The following CNTNAP5 variants were observed in gnomAD, a reference collection of about 807,000 sequenced individuals.
CNTNAP5 encodes contactin-associated protein-like 5.
A neutral mutation model predicts 150.2 loss-of-function variants in CNTNAP5; 72 were observed. That is an observed-to-expected ratio of 0.48 (90% CI 0.40 to 0.58). The LOEUF is 0.58. Among genes scored for constraint, CNTNAP5 ranks in the 20% least tolerant of loss-of-function variants. CNTNAP5 has a pLI of 0.00. For synonymous variants in CNTNAP5, 672 were observed against 619.8 expected, an observed-to-expected ratio of 1.08 and a Z score of -1.25; for missense variants, 1,636 against 1,626.2, an observed-to-expected ratio of 1.01 and a Z score of -0.10.
At chr2:124,113,259 A>G (rs1358678952) in intron 1 of CNTNAP5, among the ~76,000 whole-genome samples, 7 of 152,154 alleles carry the variant, frequency 4.6e-5, no homozygotes, top group East Asian at 1.9e-4. Flanking sequence ...AAATTATTTC[A>G]TAATCTTACA....
intron 14 of CNTNAP5, among the ~76,000 whole-genome samples, chr2:124,757,593 C>A (rs868764193): frequency 4.6e-5 from 7 of 152,188 alleles, no homozygotes; most frequent in African/African-American, 1.7e-4. Context: ...AAATGATAAA[C>A]CTTGAGAAGT....
intron 13 of CNTNAP5, among the ~76,000 whole-genome samples, chr2:124,652,763 C>T (rs953651255): frequency 4.6e-5 from 7 of 152,164 alleles, no homozygotes; most frequent in South Asian, 2.1e-4. Context: ...GAAAGTCCCC[C>T]GCCACTGGAT....
intron 7 of CNTNAP5, among the ~76,000 whole-genome samples, chr2:124,500,849 A>G (rs1046562474): frequency 2.0e-5 from 3 of 152,164 alleles, no homozygotes; most frequent in Non-Finnish European, 4.4e-5. Flanking sequence ...TAGGAGACCT[A>G]CACTTGGCGG....
chr2:124,771,042 G>A (rs1681180837), intron 16 of CNTNAP5, among the ~76,000 whole-genome samples: 1 of 152,108 alleles, frequency 6.6e-6, no homozygotes. Flanking sequence ...TCGGTAGAAA[G>A]CAAAAGAATT....
At chr2:124,651,584 T>G (rs1441221080) in intron 13 of CNTNAP5, among the ~76,000 whole-genome samples, 2 of 152,210 alleles carry the variant, frequency 1.3e-5, no homozygotes, top group Non-Finnish European at 2.9e-5. Context: ...CAGATCTAAC[T>G]CTTGCAACCA....
At chr2:124,522,208 C>T (rs796731110) in intron 8 of CNTNAP5, among the ~76,000 whole-genome samples, 12 of 152,318 alleles carry the variant, frequency 7.9e-5, no homozygotes, top group African/African-American at 2.9e-4. Flanking sequence ...GACGGTCTGG[C>T]ACACCTCTGT....
chr2:124,413,906 A>AG, intron 3 of CNTNAP5, among the ~76,000 whole-genome samples: 1 of 151,508 alleles, frequency 6.6e-6, no homozygotes, highest in South Asian at 2.1e-4. Context: ...AATAAATTAA[A>AG]AAAAAAGAAC....
intron 19 of CNTNAP5, among the ~76,000 whole-genome samples, chr2:124,835,201 A>G (rs1682803903): frequency 6.6e-6 from 1 of 152,076 alleles, no homozygotes; most frequent in Admixed American, 6.6e-5. Flanking sequence ...TTGGCAAACA[A>G]ATTGTATTAG....
rs141877041 is a variant in CNTNAP5, at chr2:124,130,362, C to T, written c.83-91343C>T. Reference sequence around the variant, plus strand: ...CCTGTTGCCAAATCTCTGGGCCCACCGACTCAGGCTCAATTCCCACTGTGC... The same window carrying T: ...CCTGTTGCCAAATCTCTGGGCCCACTGACTCAGGCTCAATTCCCACTGTGC... On this transcript the variant is annotated intron_variant, in intron 1 of 23. Coordinates refer to ENST00000682447, the MANE Select transcript of CNTNAP5 (RefSeq NM_001367498.1). Among the ~76,000 whole-genome samples, 1,165 of 151,996 alleles carry T rather than the reference C, an allele frequency of 7.7e-3. 9 individuals are homozygous for T. Among genetic ancestry groups the T allele is most frequent in the African/African-American group, 0.026 (1,078 of 41,480 alleles).
chr2:124,857,902 G>A (rs1677416594), intron 19 of CNTNAP5, among the ~76,000 whole-genome samples: 1 of 152,024 alleles, frequency 6.6e-6, no homozygotes. Flanking sequence ...CAGTGTATAA[G>A]AACAAGTCAA....
intron 10 of CNTNAP5, among the ~76,000 whole-genome samples, chr2:124,549,203 C>G (rs1368477481): frequency 1.3e-5 from 2 of 152,190 alleles, no homozygotes; most frequent in Non-Finnish European, 2.9e-5. Flanking sequence ...TTCACTTCAT[C>G]CATGGGTTCT....
At chr2:124,048,267 C>T (rs1260691733) in intron 1 of CNTNAP5, among the ~76,000 whole-genome samples, 1 of 152,182 alleles carries the variant, frequency 6.6e-6, no homozygotes, top group Non-Finnish European at 1.5e-5. Flanking sequence ...ACCAGCTCTA[C>T]TCTAGGAATG....
chr2:124,242,251 T>C lies in CNTNAP5; in HGVS notation c.239T>C (p.Met80Thr). 6.2e-7 allele frequency: 1 copy of C among 1,604,886 alleles called. No individual in the cohort carries two copies. The highest frequency in any genetic ancestry group is 2.3e-5 in the East Asian group (1 of 44,384). ...ADSNAQQWLQ[M>T]DLGNRVEITA... ...TCCAATGCTCAACAGTGGCTCCAGA[T>C]GGACCTGGGAAACAGAGTAGAGATT... Residue 80 changes from methionine (M) to threonine (T), a missense_variant, in exon 3 of 24, where the codon ATG (methionine) becomes ACG (threonine). Met to Thr is a moderately conservative substitution (Grantham distance 81). Transcript: ENST00000682447.
At chr2:124,747,617 T>C (rs796203584) in intron 14 of CNTNAP5, among the ~76,000 whole-genome samples, 135 of 44,950 alleles carry the variant, frequency 3.0e-3, no homozygotes, top group African/African-American at 6.6e-3. Context: ...GCTTCTTCTT[T>C]TTTTTTTTTT....
At chr2:124,572,776 A>G (rs1696195636) in intron 11 of CNTNAP5, among the ~76,000 whole-genome samples, 1 of 152,188 alleles carries the variant, frequency 6.6e-6, no homozygotes, top group Admixed American at 6.5e-5. Context: ...CTAGACCTTC[A>G]GATTTGCACA....
intron 1 of CNTNAP5, among the ~76,000 whole-genome samples, chr2:124,061,718 C>A (rs1682014873): frequency 6.6e-6 from 1 of 152,166 alleles, no homozygotes; most frequent in Non-Finnish European, 1.5e-5. Context: ...GGCTACCTAA[C>A]TAAATAATAA....
chr2:124,671,326 A>G (rs1678820054), intron 13 of CNTNAP5, among the ~76,000 whole-genome samples: 1 of 152,230 alleles, frequency 6.6e-6, no homozygotes, highest in Non-Finnish European at 1.5e-5. Context: ...TTCAAAAAAC[A>G]AAGGCATAAG....
At chr2:124,763,548 T>C (rs993786769) in intron 14 of CNTNAP5, 124 bp from the exon 15 acceptor site, 3 of 797,952 alleles carry the variant, frequency 3.8e-6, no homozygotes, top group Admixed American at 2.7e-5. Context: ...CCTTCTGTTT[T>C]CCCCCTCTCT....
At chr2:124,706,919 A>G (rs781529500) in intron 13 of CNTNAP5, among the ~76,000 whole-genome samples, 4,028 of 74,334 alleles carry the variant, frequency 0.054, 454 homozygotes, top group Non-Finnish European at 0.091. Flanking sequence ...GGAGGAGGAG[A>G]AGAAGAAGAA....
Sources: gnomAD v4.1 joint callset for allele counts (sites outside exome capture counted in the v4.1 genomes callset) on GRCh38, gnomAD v4.1.1 for gene constraint, MANE v1.5 for transcripts, NCBI Gene and HGNC (gene_info 2026-07-23, HGNC 2026-07-21) for gene names.